The following ADAMTS12 variants were observed in gnomAD, a reference collection of about 807,000 sequenced individuals.
ADAMTS12 encodes the protein A disintegrin and metalloproteinase with thrombospondin motifs 12.
A neutral mutation model predicts 167.8 loss-of-function variants in ADAMTS12; 118 were observed. The ratio of observed to expected loss-of-function variants is 0.70; its 90% CI spans 0.61 to 0.82. ADAMTS12 has a LOEUF of 0.82. ADAMTS12 is among the 40% of genes least tolerant of loss of function. The pLI is 0.00. For missense variants in ADAMTS12, 1,916 were observed against 1,998.8 expected (o/e 0.96, Z 0.79); for synonymous variants, 704 against 716.9 (o/e 0.98, Z 0.29).
At position 33,635,598 on chromosome 5, in the gene ADAMTS12, T is replaced by C. The variant is rs75497190; in HGVS notation, c.1888+1979A>G. The stretch of plus-strand genomic sequence containing the variant: ...TATAAAGTGCTGTGGGAAGTATCAC[T>C]GTCCACTGAGGGGGTAGAAAACTCT... On this transcript the variant is annotated intron_variant, in intron 12 of 23. Transcript: ENST00000504830. 2.4e-3 allele frequency among the ~76,000 whole-genome samples: 366 copies of C among 152,332 alleles called. 2 individuals are homozygous for C. Among genetic ancestry groups the C allele is most frequent in the African/African-American group, 8.3e-3 (347 of 41,582 alleles).
intron 2 of ADAMTS12, among the ~76,000 whole-genome samples, chr5:33,853,645 G>C (rs1749296744): frequency 6.6e-6 from 1 of 152,156 alleles, no homozygotes; most frequent in Non-Finnish European, 1.5e-5. Context: ...ACATTGATTA[G>C]AGCAGCATCA....
chr5:33,648,908 C>G lies in ADAMTS12; in HGVS notation c.1393G>C (p.Val465Leu). 1 of 1,614,050 alleles carries G rather than the reference C, an allele frequency of 6.2e-7. No individual in the cohort carries two copies. Among genetic ancestry groups the G allele is most frequent in the Non-Finnish European group, 8.5e-7 (1 of 1,179,964 alleles). Reference protein sequence around the residue: ...IPKKKGLKSKVIAPGVIYDVH... With the variant: ...IPKKKGLKSKLIAPGVIYDVH... ...TCATAGATCACTCCGGGGGCAATGA[C>G]CTTGGACTTCAAGCCTTTCTTTTTA... The change falls in exon 9 of 24, where the codon GTC (valine) becomes CTC (leucine). Residue 465 changes from valine (V) to leucine (L), a missense_variant. Physicochemically the swap from Val to Leu is conservative, Grantham distance 32. Transcript: ENST00000504830.
At chr5:33,835,903 A>C (rs1208116100) in intron 2 of ADAMTS12, among the ~76,000 whole-genome samples, 8 of 136,702 alleles carry the variant, frequency 5.9e-5, no homozygotes, top group African/African-American at 2.1e-4. Flanking sequence ...TGAGGATAAT[A>C]TCCATCTCTC....
intron 3 of ADAMTS12, among the ~76,000 whole-genome samples, chr5:33,696,420 C>CCAAA (rs1554035809): frequency 7.7e-6 from 1 of 129,962 alleles, no homozygotes; most frequent in African/African-American, 3.0e-5. Flanking sequence ...GACTCCGTCT[C>CCAAA]AAAAAAAAAA....
chr5:33,550,150 T>C (rs1212729066), intron 20 of ADAMTS12, among the ~76,000 whole-genome samples: 1 of 152,192 alleles, frequency 6.6e-6, no homozygotes, highest in Non-Finnish European at 1.5e-5. Context: ...AGCAGGCTGC[T>C]GATTTCCCTT....
intron 3 of ADAMTS12, among the ~76,000 whole-genome samples, chr5:33,700,008 C>A (rs1742944663): frequency 6.6e-6 from 1 of 152,104 alleles, no homozygotes; most frequent in Admixed American, 6.5e-5. Context: ...TGCTATATAT[C>A]TATCAGAATG....
At chr5:33,801,803 G>A (rs1397690559) in intron 2 of ADAMTS12, among the ~76,000 whole-genome samples, 1 of 152,136 alleles carries the variant, frequency 6.6e-6, no homozygotes, top group Non-Finnish European at 1.5e-5. Flanking sequence ...GGTGACTGCT[G>A]GGGTGTTTCC....
At chr5:33,876,736 A>C (rs1391341114) in intron 2 of ADAMTS12, among the ~76,000 whole-genome samples, 2 of 152,198 alleles carry the variant, frequency 1.3e-5, no homozygotes, top group Non-Finnish European at 2.9e-5. Context: ...GTATAGCTAT[A>C]AAAGGATAAC....
intron 5 of ADAMTS12, among the ~76,000 whole-genome samples, chr5:33,678,534 A>G (rs1742000764): frequency 6.6e-6 from 1 of 152,216 alleles, no homozygotes; most frequent in South Asian, 2.1e-4. Context: ...TCCCCAAGGA[A>G]GTGACACTGG....
intron 2 of ADAMTS12, among the ~76,000 whole-genome samples, chr5:33,762,175 G>C (rs571955974): frequency 1.4e-5 from 2 of 146,648 alleles, no homozygotes; most frequent in Non-Finnish European, 3.0e-5. Context: ...CTGGGTGACA[G>C]AGTGATAAAG....
chr5:33,807,778 T>A (rs1747295472), intron 2 of ADAMTS12, among the ~76,000 whole-genome samples: 1 of 152,126 alleles, frequency 6.6e-6, no homozygotes, highest in Non-Finnish European at 1.5e-5. Context: ...ATGAAACTTG[T>A]GTGGAATTCA....
At chr5:33,574,733 A>T (rs1301186516) in intron 19 of ADAMTS12, among the ~76,000 whole-genome samples, 1 of 152,142 alleles carries the variant, frequency 6.6e-6, no homozygotes, top group Non-Finnish European at 1.5e-5. Flanking sequence ...TGTACCCTAA[A>T]ACTTAAAAGT....
intron 2 of ADAMTS12, among the ~76,000 whole-genome samples, chr5:33,822,746 A>G (rs932968186): frequency 1.3e-5 from 2 of 152,176 alleles, no homozygotes; most frequent in Non-Finnish European, 1.5e-5. Context: ...TAAATAAAAA[A>G]TAAAATCATG....
At chr5:33,871,361 T>C (rs75989721) in intron 2 of ADAMTS12, among the ~76,000 whole-genome samples, 30,064 of 152,012 alleles carry the variant, frequency 0.2, 4,091 homozygotes, top group Non-Finnish European at 0.3. Context: ...AAAGCTAATA[T>C]TACCCTGATA....
chr5:33,635,358 C>T (rs1043315629), intron 12 of ADAMTS12, among the ~76,000 whole-genome samples: 24 of 152,094 alleles, frequency 1.6e-4, no homozygotes, highest in African/African-American at 5.8e-4. Context: ...GTGCATTGGT[C>T]TTAAGGAAAT....
chr5:33,830,751 C>T (rs2111554514), intron 2 of ADAMTS12, among the ~76,000 whole-genome samples: 1 of 152,190 alleles, frequency 6.6e-6, no homozygotes, highest in African/African-American at 2.4e-5. Context: ...ATGATTACAC[C>T]ACCGCACTCC....
At chr5:33,600,830 T>C (rs1451709668) in intron 16 of ADAMTS12, among the ~76,000 whole-genome samples, 1 of 152,142 alleles carries the variant, frequency 6.6e-6, no homozygotes, top group Admixed American at 6.5e-5. Flanking sequence ...AAAGAGCTTG[T>C]CACTTACAAT....
At chr5:33,624,195 G>A (rs1205068021) in intron 14 of ADAMTS12, 36 bp downstream of exon 14, 1 of 1,612,504 alleles carries the variant, frequency 6.2e-7, no homozygotes, top group African/African-American at 1.3e-5. Context: ...CCCACCTTTG[G>A]TCCCCTGCCA....
At chr5:33,536,554 T>C (rs1260426544) in intron 22 of ADAMTS12, among the ~76,000 whole-genome samples, 1 of 152,190 alleles carries the variant, frequency 6.6e-6, no homozygotes, top group Non-Finnish European at 1.5e-5. Flanking sequence ...AGGGCAAATG[T>C]ATATGTTCAA....
Sources: gnomAD v4.1 joint callset for allele counts (sites outside exome capture counted in the v4.1 genomes callset) on GRCh38, gnomAD v4.1.1 for gene constraint, MANE v1.5 for transcripts, NCBI Gene and HGNC (gene_info 2026-07-23, HGNC 2026-07-21) for gene names.